Variants in ARHGAP24 observed in about 807,000 individuals in gnomAD.
The protein encoded by ARHGAP24 is rho GTPase-activating protein 24.
ARHGAP24 carries 50 observed loss-of-function variants against 76.4 expected under a neutral mutation model. The ratio of observed to expected loss-of-function variants is 0.65; its 90% CI spans 0.52 to 0.83. The LOEUF is 0.83. ARHGAP24 is among the 40% of genes least tolerant of loss of function. The pLI, the probability that ARHGAP24 is intolerant of heterozygous loss-of-function variation, is 0.00. For synonymous variants in ARHGAP24, 345 were observed against 323.3 expected (o/e 1.07, Z -0.72); for missense variants, 930 against 914.2 (o/e 1.02, Z -0.22).
intron 2 of ARHGAP24, among the ~76,000 whole-genome samples, chr4:85,713,618 C>T (rs530296945): frequency 6.9e-6 from 1 of 145,896 alleles, no homozygotes; most frequent in South Asian, 2.3e-4. Flanking sequence ...TCCTCAAGAT[C>T]AATTGTGTCT....
At chr4:85,973,597 T>C (rs1030592674) in intron 6 of ARHGAP24, among the ~76,000 whole-genome samples, 1 of 152,206 alleles carries the variant, frequency 6.6e-6, no homozygotes, top group African/African-American at 2.4e-5. Flanking sequence ...AGACTTTGCT[T>C]AATACAAGGT....
intron 5 of ARHGAP24, among the ~76,000 whole-genome samples, chr4:85,968,969 T>C (rs1289924869): frequency 2.0e-5 from 3 of 152,170 alleles, no homozygotes; most frequent in African/African-American, 4.8e-5. Context: ...GCTAGAAAGC[T>C]CTTATAATGT....
At chr4:85,650,224 A>G (rs183095884) in intron 2 of ARHGAP24, among the ~76,000 whole-genome samples, 1 of 150,528 alleles carries the variant, frequency 6.6e-6, no homozygotes, top group African/African-American at 2.5e-5. Context: ...AAAAGTTATC[A>G]TAGATTTTAG....
intron 3 of ARHGAP24, among the ~76,000 whole-genome samples, chr4:85,918,474 T>C (rs1344353111): frequency 6.6e-6 from 1 of 151,972 alleles, no homozygotes; most frequent in Non-Finnish European, 1.5e-5. Flanking sequence ...TTGAAATTAT[T>C]ATTTTGTAAT....
intron 3 of ARHGAP24, among the ~76,000 whole-genome samples, chr4:85,788,020 A>C (rs1399703154): frequency 6.6e-6 from 1 of 152,214 alleles, no homozygotes; most frequent in Non-Finnish European, 1.5e-5. Flanking sequence ...CCCTAAATGC[A>C]GCCAAGAAAG....
At chr4:85,483,351 T>A (rs1359331836) in intron 1 of ARHGAP24, among the ~76,000 whole-genome samples, 1 of 152,136 alleles carries the variant, frequency 6.6e-6, no homozygotes, top group Non-Finnish European at 1.5e-5. Context: ...TTAGTAAAAA[T>A]AGGCCAGGCG....
intron 2 of ARHGAP24, among the ~76,000 whole-genome samples, chr4:85,599,688 T>C (rs1334710449): frequency 2.0e-5 from 3 of 152,190 alleles, no homozygotes; most frequent in Admixed American, 2.0e-4. Context: ...TTTTGTATTA[T>C]ATGTAACACA....
chr4:85,777,445 T>A (rs963653680), intron 3 of ARHGAP24, among the ~76,000 whole-genome samples: 2 of 152,148 alleles, frequency 1.3e-5, no homozygotes, highest in Non-Finnish European at 2.9e-5. Flanking sequence ...GCTTTAAAAT[T>A]TAAGGAGCCA....
At chr4:85,526,417 C>T (rs79483866) in intron 1 of ARHGAP24, among the ~76,000 whole-genome samples, 5 of 147,974 alleles carry the variant, frequency 3.4e-5, no homozygotes, top group African/African-American at 1.2e-4. Flanking sequence ...AAAAAAGAAA[C>T]AACTTTTTTT....
At chr4:85,844,237 T>G (rs781733570) in intron 3 of ARHGAP24, among the ~76,000 whole-genome samples, 1 of 152,200 alleles carries the variant, frequency 6.6e-6, no homozygotes, top group Non-Finnish European at 1.5e-5. Context: ...GAGCTAACAC[T>G]GATACCAGAG....
intron 3 of ARHGAP24, among the ~76,000 whole-genome samples, chr4:85,812,123 C>T (rs1410559153): frequency 6.6e-6 from 1 of 152,126 alleles, no homozygotes; most frequent in Non-Finnish European, 1.5e-5. Context: ...TTGCAGTGAG[C>T]TGAGATTGTG....
intron 3 of ARHGAP24, chr4:85,723,877 G>A (rs1725051360): frequency 6.6e-6 from 1 of 152,146 alleles, no homozygotes; most frequent in African/African-American, 2.4e-5. Flanking sequence ...GTGATAATGT[G>A]GGATCTGTAT....
intron 3 of ARHGAP24, among the ~76,000 whole-genome samples, chr4:85,846,385 A>C (rs1397377): frequency 0.49 from 74,514 of 150,746 alleles, 19,550 homozygotes; most frequent in East Asian, 0.86. Context: ...TTCATAATTC[A>C]GGGTTTTTTT....
At chr4:85,569,402 G>A (rs1726983593) in intron 1 of ARHGAP24, among the ~76,000 whole-genome samples, 1 of 152,158 alleles carries the variant, frequency 6.6e-6, no homozygotes, top group Admixed American at 6.5e-5. Flanking sequence ...AAGATTTTGG[G>A]ACAGGAAAAT....
intron 2 of ARHGAP24, among the ~76,000 whole-genome samples, chr4:85,604,871 C>T (rs536662153): frequency 2.6e-5 from 4 of 152,266 alleles, no homozygotes; most frequent in South Asian, 2.1e-4. Flanking sequence ...CACCACTACA[C>T]CCAGCTAATT....
At chr4:85,544,226 A>C (rs1474833380) in intron 1 of ARHGAP24, among the ~76,000 whole-genome samples, 1 of 152,200 alleles carries the variant, frequency 6.6e-6, no homozygotes, top group Admixed American at 6.5e-5. Flanking sequence ...TTATGTTTAA[A>C]TTCTTGAAAT....
Position 85,475,292 on chromosome 4 carries a change from A to T in ARHGAP24, c.-288A>T, listed in dbSNP as rs1722520050. ...AGCTGTCAAGGCTGCGGCGGGGACC[A>T]GAGAGGAGCCTGGCGGGGGTGGCTG... On this transcript the variant is annotated 5_prime_UTR_variant, in exon 1 of 10. Transcript: ENST00000395184. The T allele has an allele frequency of 6.6e-6, 1 of 152,344 alleles. No homozygotes were observed. The highest frequency in any genetic ancestry group is 2.1e-4 in the South Asian group (1 of 4,830). 9.4% of individuals were successfully genotyped at this position (152,344 alleles called of 1,614,324 possible).
chr4:85,851,414 T>C (rs1390056988), intron 3 of ARHGAP24, among the ~76,000 whole-genome samples: 1 of 152,234 alleles, frequency 6.6e-6, no homozygotes, highest in Admixed American at 6.5e-5. Context: ...TTTGTCAGTC[T>C]GTGTCTTTTA....
intron 3 of ARHGAP24, among the ~76,000 whole-genome samples, chr4:85,864,527 G>A (rs1004143546): frequency 4.6e-5 from 7 of 151,878 alleles, no homozygotes; most frequent in Non-Finnish European, 8.8e-5. Flanking sequence ...CTCTCCTTTG[G>A]TTTGGCAAAG....
Sources: allele counts gnomAD v4.1 joint callset (sites outside exome capture counted in the v4.1 genomes callset), GRCh38; gene constraint gnomAD v4.1.1; transcripts MANE v1.5; gene names NCBI Gene and HGNC (gene_info 2026-07-23, HGNC 2026-07-21).